ARHGEF3: variants seen among roughly 807,000 people sequenced by gnomAD.
ARHGEF3 encodes the protein 59.8 kDA protein.
Under a neutral mutation model 63.2 loss-of-function variants are expected in ARHGEF3, and 28 were observed. The observed-to-expected ratio is 0.44, with a 90% CI of 0.33 to 0.61. ARHGEF3 has a LOEUF of 0.61. Among genes scored for constraint, ARHGEF3 ranks in the 20% least tolerant of loss-of-function variants. The pLI, the probability that ARHGEF3 is intolerant of heterozygous loss-of-function variation, is 0.03. For synonymous variants in ARHGEF3, 266 were observed against 254.2 expected, an observed-to-expected ratio of 1.05 and a Z score of -0.44; for missense variants, 533 against 659.3, an observed-to-expected ratio of 0.81 and a Z score of 2.10.
intron 2 of ARHGEF3, among the ~76,000 whole-genome samples, chr3:56,995,666 A>AGAGAGAGAGAGAGAGAGAGG (rs1560116629): frequency 2.0e-4 from 26 of 127,246 alleles, no homozygotes; most frequent in Non-Finnish European, 2.9e-4. Context: ...AGAGAGAGAG[A>AGAGAGAGAGAGAGAGAGAGG]GAGAGAATTT....
intron 4 of ARHGEF3, among the ~76,000 whole-genome samples, chr3:56,866,730 T>C (rs947786650): frequency 3.3e-5 from 5 of 152,370 alleles, no homozygotes; most frequent in African/African-American, 9.6e-5. Flanking sequence ...GATAACTCCT[T>C]ACAAGCATCT....
rs80216898 is a variant in ARHGEF3 at position 56,760,879 on chromosome 3, T to G, written c.205-5728A>C. Among the ~76,000 whole-genome samples, 348 of 152,308 alleles carry G rather than the reference T, an allele frequency of 2.3e-3. 3 individuals are homozygous for G. The highest frequency in any genetic ancestry group is 8.0e-3 in the African/African-American group (333 of 41,576). ...TATCTGACCAATCAAATTTCAAATT[T>G]ACACCTTTAATTAGGCTGGATTAAA... On this transcript the variant is annotated intron_variant, in intron 2 of 9. Transcript: ENST00000296315.
chr3:56,878,176 G>T lies in ARHGEF3; in HGVS notation c.192+4116C>A, dbSNP rs567950496. Among the ~76,000 whole-genome samples, 6 of 152,242 alleles carry T rather than the reference G, an allele frequency of 3.9e-5. No individual in the cohort carries two copies. In the East Asian group the frequency reaches 1.2e-3, roughly 29 times the overall value. ...CTGCAGCAGGAGCTCTGGCACCAAG[G>T]GCCTTTCCTGTGGTGACATGAGCTA... On this transcript the variant is annotated intron_variant, in intron 4 of 12. Transcript: ENST00000338458.
chr3:56,832,931 C>G (rs1489889480), intron 4 of ARHGEF3, among the ~76,000 whole-genome samples: 1 of 152,212 alleles, frequency 6.6e-6, no homozygotes, highest in East Asian at 1.9e-4. Flanking sequence ...GTCTAAGGTT[C>G]ATCCATGTTG....
chr3:57,008,477 C>A (rs896884943), intron 2 of ARHGEF3, among the ~76,000 whole-genome samples: 3 of 144,918 alleles, frequency 2.1e-5, no homozygotes, highest in Non-Finnish European at 4.6e-5. Context: ...ATTCCACGGA[C>A]AAGCCTTTTT....
chr3:57,068,087 C>T (rs1469883079), intron 1 of ARHGEF3, among the ~76,000 whole-genome samples: 1 of 152,092 alleles, frequency 6.6e-6, no homozygotes, highest in East Asian at 1.9e-4. Flanking sequence ...GCAAGAGGAT[C>T]ACTTGAGCCC....
chr3:57,017,262 G>T (rs924661745), intron 2 of ARHGEF3, among the ~76,000 whole-genome samples: 1 of 152,094 alleles, frequency 6.6e-6, no homozygotes, highest in Non-Finnish European at 1.5e-5. Flanking sequence ...GAGGTTGGGG[G>T]AAGGGTAGGG....
At chr3:57,016,307 G>T (rs771360041) in intron 2 of ARHGEF3, among the ~76,000 whole-genome samples, 1 of 151,952 alleles carries the variant, frequency 6.6e-6, no homozygotes, top group South Asian at 2.1e-4. Flanking sequence ...ACTTTGGGAG[G>T]CCTCGGTGGG....
intron 1 of ARHGEF3, among the ~76,000 whole-genome samples, chr3:56,796,146 A>G (rs965034725): frequency 5.3e-5 from 8 of 152,210 alleles, no homozygotes; most frequent in African/African-American, 1.9e-4. Context: ...CACATACATG[A>G]CAAAGTAGCC....
chr3:57,037,226 G>A (rs185417384), intron 1 of ARHGEF3, among the ~76,000 whole-genome samples: 1 of 152,102 alleles, frequency 6.6e-6, no homozygotes, highest in African/African-American at 2.4e-5. Context: ...TGGGACTTGA[G>A]TTCAGAGTCC....
chr3:56,959,732 C>T (rs1049099160), intron 2 of ARHGEF3, among the ~76,000 whole-genome samples: 5 of 152,182 alleles, frequency 3.3e-5, no homozygotes, highest in Non-Finnish European at 7.3e-5. Context: ...AATCCCAGCA[C>T]TTTGGGAGGC....
intron 2 of ARHGEF3, among the ~76,000 whole-genome samples, chr3:56,756,943 G>C (rs1276027584): frequency 1.3e-5 from 2 of 152,070 alleles, no homozygotes; most frequent in African/African-American, 4.8e-5. Context: ...TCCTCCCCCA[G>C]AGCAATTCAG....
At chr3:56,881,012 A>T (rs1256043456) in intron 4 of ARHGEF3, among the ~76,000 whole-genome samples, 1 of 130,996 alleles carries the variant, frequency 7.6e-6, no homozygotes, top group Non-Finnish European at 1.6e-5. Flanking sequence ...ATCACAGAAA[A>T]CTCTGCAGTA....
At chr3:56,872,538 T>A (rs1210900248) in intron 4 of ARHGEF3, among the ~76,000 whole-genome samples, 1 of 143,896 alleles carries the variant, frequency 6.9e-6, no homozygotes, top group Admixed American at 7.2e-5. Flanking sequence ...TGAGATGGAG[T>A]CTTGCTGTGT....
chr3:56,741,496 CTTTTTTTTTTTTTTT>C (rs71072191), intron 7 of ARHGEF3, among the ~76,000 whole-genome samples: 1 of 50,510 alleles, frequency 2.0e-5, no homozygotes, highest in African/African-American at 8.3e-5. Flanking sequence ...TACATTGGTT[CTTTTTTTTTTTTTTT>C]TTTTTTTTTT....
At chr3:56,979,573 C>T (rs538978405) in intron 2 of ARHGEF3, among the ~76,000 whole-genome samples, 6 of 152,328 alleles carry the variant, frequency 3.9e-5, no homozygotes, top group African/African-American at 1.4e-4. Context: ...GTGAGCAAGG[C>T]CCTCACTAGG....
chr3:56,816,820 C>T (rs565441877), intron 4 of ARHGEF3, among the ~76,000 whole-genome samples: 10 of 152,330 alleles, frequency 6.6e-5, no homozygotes, highest in East Asian at 5.8e-4. Context: ...TGAAGCGGAA[C>T]GTTAATTCAC....
chr3:56,963,344 G>A (rs1700359600), intron 2 of ARHGEF3, among the ~76,000 whole-genome samples: 1 of 152,110 alleles, frequency 6.6e-6, no homozygotes. Flanking sequence ...GCTCATATTG[G>A]AGGGCCAATG....
chr3:56,912,436 C>T (rs575285625), intron 3 of ARHGEF3, among the ~76,000 whole-genome samples: 3 of 152,292 alleles, frequency 2.0e-5, no homozygotes, highest in African/African-American at 7.2e-5. Flanking sequence ...CACATAGCAC[C>T]TAATGGCTAA....
Sources: allele counts gnomAD v4.1 joint callset (sites outside exome capture counted in the v4.1 genomes callset), GRCh38; gene constraint gnomAD v4.1.1; transcripts MANE v1.5; gene names NCBI Gene and HGNC (gene_info 2026-07-23, HGNC 2026-07-21).